The following PATJ variants were observed in gnomAD, a reference collection of about 807,000 sequenced individuals.
PATJ encodes the protein inaD-like protein.
PATJ carries 190 observed loss-of-function variants against 224.9 expected under a neutral mutation model. That is an observed-to-expected ratio of 0.84 (90% confidence interval 0.75 to 0.95). The LOEUF (loss-of-function observed/expected upper bound fraction) is 0.95, where lower values mean the gene tolerates loss of function less well. Ranked by LOEUF, PATJ falls within the 40% of genes least tolerant of loss-of-function variation. PATJ has a pLI of 0.00. For synonymous variants in PATJ, 769 were observed against 820.3 expected, an observed-to-expected ratio of 0.94 and a Z score of 1.07; for missense variants, 2,121 against 2,270.3, an observed-to-expected ratio of 0.93 and a Z score of 1.34.
intron 28 of PATJ, among the ~76,000 whole-genome samples, chr1:62,010,838 G>C (rs1340136382): frequency 2.0e-5 from 3 of 152,118 alleles, no homozygotes; most frequent in African/African-American, 7.2e-5. Context: ...AAAATTTATT[G>C]TTTAATGTAA....
At chr1:61,946,817 A>G (rs1357500483) in intron 27 of PATJ, among the ~76,000 whole-genome samples, 1 of 152,238 alleles carries the variant, frequency 6.6e-6, no homozygotes, top group Non-Finnish European at 1.5e-5. Context: ...AGAAATCCTC[A>G]GTAAAATACC....
rs1240921544 is a variant in PATJ at position 61,990,222 on chromosome 1, T to G, written c.3725T>G (p.Leu1242Arg). ...CCTGGAGAACTGCACATTATTGAAC[T>G]TGAAAAAGATAAGAATGGACTTGGA... is the stretch of plus-strand genomic sequence containing the variant. ...DLPGELHIIE[L>R]EKDKNGLGLS... The change falls in exon 28 of 44, where the codon CTT (leucine) becomes CGT (arginine). Residue 1242 changes from leucine to arginine, a missense_variant. Leu to Arg is a moderately radical substitution (Grantham distance 102, BLOSUM62 -2). Transcript: ENST00000642238. The G allele has an allele frequency of 6.2e-7, 1 of 1,613,764 alleles. No homozygotes were observed. The highest frequency in any genetic ancestry group is 2.2e-5 in the East Asian group (1 of 44,850).
intron 39 of PATJ, 105 bp downstream of exon 39, chr1:62,123,163 C>G: frequency 1.3e-6 from 1 of 768,790 alleles, no homozygotes; most frequent in East Asian, 2.6e-5. Flanking sequence ...TGTGCTCTTT[C>G]AAGTTACTGA....
chr1:62,113,719 G>A (rs1427072392), intron 34 of PATJ, among the ~76,000 whole-genome samples: 1 of 152,186 alleles, frequency 6.6e-6, no homozygotes, highest in Non-Finnish European at 1.5e-5. Context: ...AACATTAATA[G>A]TTATTTCCCT....
At chr1:61,813,438 T>C (rs1030455921) in intron 14 of PATJ, among the ~76,000 whole-genome samples, 8 of 148,056 alleles carry the variant, frequency 5.4e-5, no homozygotes, top group Non-Finnish European at 1.2e-4. Flanking sequence ...AACTCTGGTA[T>C]AAATGGGCAG....
intron 1 of PATJ, among the ~76,000 whole-genome samples, chr1:61,755,108 C>A (rs1645560342): frequency 2.0e-5 from 3 of 151,728 alleles, no homozygotes. Context: ...GAGTTCAAGA[C>A]CAGCCTGGCT....
Position 62,161,328 on chromosome 1 carries a change from TTTC to T in PATJ, c.*277_*279del, listed in dbSNP as rs1415288739. The stretch of plus-strand genomic sequence containing the variant: ...TTTGCATTTAATTTCAGTGTTCCGA[TTTC>T]TTTTTTTTTTTTTTTTTTTTTTTTT... On this transcript the variant is annotated 3_prime_UTR_variant, in exon 44 of 44. Transcript: ENST00000642238. 1.3e-4 allele frequency: 24 copies of T among 179,886 alleles called. No homozygotes were observed. The highest frequency in any genetic ancestry group is 3.5e-4 in the Admixed American group (4 of 11,442). The allele number at this position is 179,886 out of a possible 1,614,324, so 11.1% of individuals were successfully genotyped here.
chr1:61,780,103 C>A (rs1386472935), intron 7 of PATJ, among the ~76,000 whole-genome samples: 1 of 152,096 alleles, frequency 6.6e-6, no homozygotes, highest in East Asian at 1.9e-4. Flanking sequence ...TTGGGGGGGA[C>A]AAACATCCAA....
rs774790251 is a variant in PATJ at position 62,051,021 on chromosome 1, G to A, written c.4088G>A (p.Gly1363Asp). 6.2e-7 allele frequency: 1 copy of A among 1,613,794 alleles called. No individual in the cohort carries two copies. The highest frequency in any genetic ancestry group is 1.3e-5 in the African/African-American group (1 of 74,928). ...SSEEDGSVEV[G>D]IKQLPESESF... ...GAGGAAGATGGCAGCGTCGAAGTTG[G>A]TATTAAACAATTGCCTGAAAGTGAA... The change falls in exon 31 of 44, where the codon GGT (glycine) becomes GAT (aspartate). Residue 1363 changes from glycine (G) to aspartate (D), a missense_variant. By Grantham distance (94) the Gly-to-Asp change is moderately conservative. Transcript: ENST00000642238.
chr1:61,970,070 A>ATT (rs879576190), intron 27 of PATJ, among the ~76,000 whole-genome samples: 19 of 142,556 alleles, frequency 1.3e-4, no homozygotes, highest in African/African-American at 4.6e-4. Context: ...GGTTTTTTGT[A>ATT]TTTTTTTTTT....
chr1:61,908,285 A>T, intron 24 of PATJ, 87 bp from the exon 25 acceptor site: 1 of 848,722 alleles, frequency 1.2e-6, no homozygotes, highest in Non-Finnish European at 2.0e-6. Context: ...TTGTTCTTAT[A>T]ACTAGATAAT....
intron 18 of PATJ, among the ~76,000 whole-genome samples, chr1:61,857,016 A>C (rs1030203608): frequency 6.6e-6 from 1 of 152,202 alleles, no homozygotes; most frequent in Non-Finnish European, 1.5e-5. Flanking sequence ...TGAGAGTTTA[A>C]TATGCTTTTC....
chr1:62,124,107 T>G (rs936934388), intron 39 of PATJ, among the ~76,000 whole-genome samples: 6 of 152,048 alleles, frequency 3.9e-5, no homozygotes, highest in African/African-American at 1.2e-4. Flanking sequence ...CTTTTTGAGA[T>G]GGAGTCACCG....
At chr1:61,850,700 G>T (rs1662680270) in intron 17 of PATJ, among the ~76,000 whole-genome samples, 1 of 152,210 alleles carries the variant, frequency 6.6e-6, no homozygotes, top group African/African-American at 2.4e-5. Flanking sequence ...GGAATTGACT[G>T]GCTGGCTTAA....
At chr1:62,050,798 C>T (rs1443515462) in intron 30 of PATJ, among the ~76,000 whole-genome samples, 168 bp from the exon 31 acceptor site, 1 of 152,158 alleles carries the variant, frequency 6.6e-6, no homozygotes, top group Non-Finnish European at 1.5e-5. Flanking sequence ...GAAACAACAA[C>T]AACAAAACAG....
At position 62,086,168 on chromosome 1, in the gene PATJ, G is replaced by T. The variant is rs548589792; in HGVS notation, c.4377+1520G>T. ...CTTTTGTTTATCACTGCTCAGTAGC[G>T]CCATTAAAATGAAAACTTTTCCTGG... is the stretch of plus-strand genomic sequence containing the variant. On this transcript the variant is annotated intron_variant, in intron 33 of 43. Coordinates refer to ENST00000642238, the MANE Select transcript of PATJ (RefSeq NM_001350145.3). The surrounding 1 kb of genome is among the most constrained non-coding windows in gnomAD (Gnocchi z 4.0). 9.3e-5 allele frequency among the ~76,000 whole-genome samples: 14 copies of T among 151,196 alleles called. No homozygotes were observed. The South Asian group carries it at 2.9e-3, about 31-fold the overall frequency.
At chr1:61,827,687 C>T in intron 16 of PATJ, 104 bp downstream of exon 16, 1 of 1,086,046 alleles carries the variant, frequency 9.2e-7, no homozygotes, top group Non-Finnish European at 1.3e-6. Context: ...TTCCACTCTG[C>T]TCTTTTTTTG....
chr1:61,812,425 AGAGAGAGAGTGT>A (rs1655020825), intron 14 of PATJ, among the ~76,000 whole-genome samples: 2 of 113,490 alleles, frequency 1.8e-5, no homozygotes, highest in Non-Finnish European at 3.9e-5. Context: ...AGAGAGAGAG[AGAGAGAGAGTGT>A]GTGTGTGTGT....
At chr1:61,988,653 T>C (rs1245284123) in intron 27 of PATJ, among the ~76,000 whole-genome samples, 13 of 152,240 alleles carry the variant, frequency 8.5e-5, no homozygotes. Flanking sequence ...TTCAAAATTC[T>C]TGTAAAGCCG....
Sources: gnomAD v4.1 joint callset for allele counts (sites outside exome capture counted in the v4.1 genomes callset) on GRCh38, gnomAD v4.1.1 for gene constraint, Gnocchi (gnomAD v3.1) non-coding constraint, MANE v1.5 for transcripts, NCBI Gene and HGNC (gene_info 2026-07-23, HGNC 2026-07-21) for gene names.